The following RBPMS variants were observed in gnomAD, a reference collection of about 807,000 sequenced individuals.
RBPMS encodes the protein RNA binding protein, mRNA processing factor.
Under a neutral mutation model 26.8 loss-of-function variants are expected in RBPMS, and 7 were observed. That is an observed-to-expected ratio of 0.26 (90% CI 0.15 to 0.49). RBPMS has a LOEUF of 0.49. Among genes scored for constraint, RBPMS ranks in the 20% least tolerant of loss-of-function variants. RBPMS has a pLI of 0.98. For missense variants in RBPMS, 186 were observed against 250.0 expected, an observed-to-expected ratio of 0.74 and a Z score of 1.73; for synonymous variants, 96 against 93.3, an observed-to-expected ratio of 1.03 and a Z score of -0.17.
chr8:30,563,070 T>G (rs1403646363), intron 7 of RBPMS, among the ~76,000 whole-genome samples: 1 of 152,136 alleles, frequency 6.6e-6, no homozygotes, highest in Middle Eastern at 3.4e-3. Flanking sequence ...GGAGAGGGAG[T>G]TACTGCTCAT....
intron 1 of RBPMS, among the ~76,000 whole-genome samples, chr8:30,431,168 TG>T (rs1167944123): frequency 6.6e-6 from 1 of 151,944 alleles, no homozygotes; most frequent in Non-Finnish European, 1.5e-5. Context: ...ACTGGCAGAG[TG>T]TATCCAGGGG....
At position 30,549,794 on chromosome 8, in the gene RBPMS, C is replaced by CTCTCTCTCTCTCTCTCTCTG. The variant is rs1246392654; in HGVS notation, c.528+5172_528+5173insTCTCTCTCTCTCTCTCTGTC. On this transcript the variant is annotated intron_variant, in intron 6 of 8. Transcript: ENST00000397323. ...TTCTTCTCTCTCTCTCTCTCTCTCT[C>CTCTCTCTCTCTCTCTCTCTG]TCCCCTCTCTCCTCTCTCTCTCTCT... Among the ~76,000 whole-genome samples, 106 of 103,948 alleles carry CTCTCTCTCTCTCTCTCTCTG rather than the reference C, an allele frequency of 1.0e-3. 2 individuals carry two copies. The highest frequency in any genetic ancestry group is 4.6e-3 in the African/African-American group (102 of 22,090). The allele number at this position is 103,948 out of a possible 152,430, so 68.2% of individuals were successfully genotyped here.
intron 5 of RBPMS, among the ~76,000 whole-genome samples, chr8:30,519,906 G>A (rs1822851958): frequency 6.6e-6 from 1 of 152,062 alleles, no homozygotes; most frequent in South Asian, 2.1e-4. Context: ...GCTTGTTCTT[G>A]TGTCCCCTCT....
chr8:30,500,396 A>G (rs1820436326), intron 4 of RBPMS, among the ~76,000 whole-genome samples: 1 of 148,418 alleles, frequency 6.7e-6, no homozygotes, highest in South Asian at 2.1e-4. Context: ...CAATATGTAT[A>G]TATAGCTCTG....
At position 30,548,577 on chromosome 8, in the gene RBPMS, GC is replaced by G. The variant is rs1205307983; in HGVS notation, c.528+3955del. 2.6e-5 allele frequency among the ~76,000 whole-genome samples: 4 copies of G among 152,294 alleles called. No homozygotes were observed. The East Asian group carries it at 7.7e-4, about 29-fold the overall frequency. ...AAAGGTTTTAAAATTATAACAGACT[GC>G]CTGAGGACAAGGCATGCGTGTCCCT... is the stretch of plus-strand genomic sequence containing the variant. On this transcript the variant is annotated intron_variant, in intron 6 of 8. Coordinates refer to ENST00000397323, the MANE Select transcript of RBPMS (RefSeq NM_001008710.3).
intron 5 of RBPMS, among the ~76,000 whole-genome samples, chr8:30,526,626 G>T (rs1447079826): frequency 6.6e-6 from 1 of 152,134 alleles, no homozygotes; most frequent in African/African-American, 2.4e-5. Context: ...GCTACCCCTT[G>T]ATTTAGATGA....
intron 2 of RBPMS, among the ~76,000 whole-genome samples, chr8:30,475,958 C>T (rs1036616239): frequency 2.0e-5 from 3 of 152,140 alleles, no homozygotes; most frequent in African/African-American, 7.2e-5. Flanking sequence ...AGAGTGCCAC[C>T]TTTTATAGAA....
intron 4 of RBPMS, among the ~76,000 whole-genome samples, chr8:30,486,021 A>G (rs922744042): frequency 6.6e-6 from 1 of 152,228 alleles, no homozygotes; most frequent in Non-Finnish European, 1.5e-5. Context: ...TTTATGAAGC[A>G]TTTACATAGG....
At chr8:30,477,671 C>A in intron 2 of RBPMS, 128 bp from the exon 3 acceptor site, 2 of 641,442 alleles carry the variant, frequency 3.1e-6, no homozygotes, top group Non-Finnish European at 2.8e-6. Context: ...GTGTAATTTG[C>A]TTTCCCAGAT....
intron 1 of RBPMS, among the ~76,000 whole-genome samples, chr8:30,428,427 G>A (rs1053324393): frequency 6.6e-6 from 1 of 151,800 alleles, no homozygotes; most frequent in Non-Finnish European, 1.5e-5. Flanking sequence ...CTGCACTGCA[G>A]CCTGGGCAAT....
At chr8:30,567,863 G>A (rs186943342) in intron 8 of RBPMS, among the ~76,000 whole-genome samples, 1 of 152,314 alleles carries the variant, frequency 6.6e-6, no homozygotes, top group East Asian at 1.9e-4. Flanking sequence ...GCACCAGTGT[G>A]TTAAGGTGGG....
At chr8:30,565,617 G>A (rs1420961967) in intron 7 of RBPMS, 4 of 152,216 alleles carry the variant, frequency 2.6e-5, no homozygotes, top group East Asian at 1.9e-4. Flanking sequence ...TTGCACCTTC[G>A]TATTTCAAAA....
At chr8:30,536,417 G>A (rs1054612790) in intron 5 of RBPMS, among the ~76,000 whole-genome samples, 3 of 152,224 alleles carry the variant, frequency 2.0e-5, no homozygotes, top group East Asian at 1.9e-4. Flanking sequence ...GTGAGCCACC[G>A]CGCCTGGCGA....
intron 1 of RBPMS, among the ~76,000 whole-genome samples, chr8:30,469,279 A>G (rs1816836453): frequency 6.6e-6 from 1 of 152,244 alleles, no homozygotes; most frequent in Non-Finnish European, 1.5e-5. Flanking sequence ...ACTGCCACAA[A>G]TGGCTTTACT....
At chr8:30,563,890 A>T (rs1191209098) in intron 7 of RBPMS, among the ~76,000 whole-genome samples, 2 of 152,220 alleles carry the variant, frequency 1.3e-5, no homozygotes, top group Non-Finnish European at 2.9e-5. Context: ...TGCACCCACC[A>T]ACCAGTATGA....
At chr8:30,552,275 C>T (rs1030365234) in intron 6 of RBPMS, 3 of 152,084 alleles carry the variant, frequency 2.0e-5, no homozygotes, top group African/African-American at 4.8e-5. Flanking sequence ...ACTCTAACTG[C>T]TTTGGAAACA....
At position 30,498,240 on chromosome 8, in the gene RBPMS, G is replaced by A. The variant is rs760194612; in HGVS notation, c.247-6046G>A. 2.6e-5 allele frequency among the ~76,000 whole-genome samples: 4 copies of A among 152,062 alleles called. No individual in the cohort carries two copies. In the East Asian group the frequency reaches 5.8e-4, roughly 22 times the overall value. The stretch of plus-strand genomic sequence containing the variant: ...TGACTTGTGGCTGTATCCCAGAGGA[G>A]GTAGAGCCTTTGATTATTTAGAAGC... On this transcript the variant is annotated intron_variant, in intron 4 of 8. Coordinates refer to ENST00000397323, the MANE Select transcript of RBPMS (RefSeq NM_001008710.3).
At chr8:30,511,482 AAAAAATATATATATATATATATATAT>A (rs1355443341) in intron 5 of RBPMS, among the ~76,000 whole-genome samples, 6 of 6,790 alleles carry the variant, frequency 8.8e-4, no homozygotes, top group Admixed American at 4.1e-3. Flanking sequence ...AAAAAAAAAA[AAAAAATATATATATATATATATATAT>A]ATATATATAT....
Position 30,549,633 on chromosome 8 carries a change from C to A in RBPMS, c.528+5009C>A, listed in dbSNP as rs116117633. On this transcript the variant is annotated intron_variant, in intron 6 of 8. Coordinates refer to ENST00000397323, the MANE Select transcript of RBPMS (RefSeq NM_001008710.3). ...GGCTTAGCTCTCACAGGAGGAGGGGCGGACGGGGAGGCCAGGCCTCATGCT... is the reference window on the plus strand; with the variant it reads ...GGCTTAGCTCTCACAGGAGGAGGGGAGGACGGGGAGGCCAGGCCTCATGCT... 2.4e-3 allele frequency: 3,425 copies of A among 1,452,240 alleles called. 74 individuals carry two copies. The African/African-American group carries it at 0.039, about 17-fold the overall frequency. 90.0% of individuals were successfully genotyped at this position (1,452,240 alleles called of 1,614,324 possible). A position where few individuals can be genotyped will look rare whatever the true frequency, so the allele number is the denominator to read the frequency against.
Sources: allele counts gnomAD v4.1 joint callset (sites outside exome capture counted in the v4.1 genomes callset), GRCh38; gene constraint gnomAD v4.1.1; transcripts MANE v1.5; gene names NCBI Gene and HGNC (gene_info 2026-07-23, HGNC 2026-07-21).